Variants in PCDHGA12 observed in about 807,000 individuals in gnomAD.
The protein encoded by PCDHGA12 is protocadherin gamma-A12.
PCDHGA12 carries 43 observed loss-of-function variants against 61.1 expected under a neutral mutation model. That is an observed-to-expected ratio of 0.70 (90% CI 0.55 to 0.91). The LOEUF is 0.91. PCDHGA12 is among the 40% of genes least tolerant of loss of function. The pLI is 0.00. For synonymous variants in PCDHGA12, 520 were observed against 542.9 expected, an observed-to-expected ratio of 0.96 and a Z score of 0.59; for missense variants, 1,236 against 1,227.7, an observed-to-expected ratio of 1.01 and a Z score of -0.10.
rs1485715812 is a variant in PCDHGA12, at chr5:141,485,804, G to T, written c.2425-9003G>T. The T allele has an allele frequency of 6.2e-7, 1 of 1,614,218 alleles. No individual in the cohort carries two copies. The highest frequency in any genetic ancestry group is 1.7e-5 in the Admixed American group (1 of 60,026). ...AGAGAAGCAATCGGACTACCGCCTG[G>T]TGCTGACTGCTGTCGATGGAGGGAA... On this transcript the variant is annotated intron_variant, in intron 1 of 3. Coordinates refer to ENST00000252085, the MANE Select transcript of PCDHGA12 (RefSeq NM_003735.3). This position sits in a 1 kb window ranked among gnomAD's most constrained non-coding sequence, Gnocchi z 5.7.
rs894528472 is a variant in PCDHGA12 at position 141,489,718 on chromosome 5, C to A, written c.2425-5089C>A. 6.2e-7 allele frequency: 1 copy of A among 1,614,038 alleles called. No individual in the cohort carries two copies. Among genetic ancestry groups the A allele is most frequent in the African/African-American group, 1.3e-5 (1 of 74,934 alleles). ...ATTCCCACTGGACAGTGCCCAGGATCCGGATGTGGGCACCAATACTGTGAG... is the reference window on the plus strand; with the variant it reads ...ATTCCCACTGGACAGTGCCCAGGATACGGATGTGGGCACCAATACTGTGAG... On this transcript the variant is annotated intron_variant, in intron 1 of 3. Coordinates refer to ENST00000252085, the MANE Select transcript of PCDHGA12 (RefSeq NM_003735.3). This position sits in a 1 kb window ranked among gnomAD's most constrained non-coding sequence, Gnocchi z 4.5.
chr5:141,466,068 G>C (rs1278308918), intron 1 of PCDHGA12, among the ~76,000 whole-genome samples: 4 of 152,080 alleles, frequency 2.6e-5, no homozygotes, highest in Admixed American at 2.6e-4. Flanking sequence ...CTTGCAGTGA[G>C]CTGATATCAT....
At position 141,511,345 on chromosome 5, in the gene PCDHGA12, T is replaced by A; in HGVS notation, c.*172T>A. The A allele has an allele frequency of 7.8e-6, 11 of 1,410,508 alleles. No individual in the cohort carries two copies. The highest frequency in any genetic ancestry group is 1.0e-5 in the Non-Finnish European group (11 of 1,060,682). 87.4% of individuals were successfully genotyped at this position (1,410,508 alleles called of 1,614,324 possible). ...AAGTGCCCAGTCAGCACCTACCCCT[T>A]CCCCCCCAGGGGGTTGAATATGCAA... On this transcript the variant is annotated 3_prime_UTR_variant, in exon 4 of 4. Transcript: ENST00000252085.
At position 141,472,488 on chromosome 5, in the gene PCDHGA12, C is replaced by T. The variant is rs183545662; in HGVS notation, c.2425-22319C>T. 4.0e-3 allele frequency among the ~76,000 whole-genome samples: 607 copies of T among 151,768 alleles called. 6 individuals carry two copies. The highest frequency in any genetic ancestry group is 0.011 in the Admixed American group (174 of 15,254). On this transcript the variant is annotated intron_variant, in intron 1 of 3. Coordinates refer to ENST00000252085, the MANE Select transcript of PCDHGA12 (RefSeq NM_003735.3). Reference sequence around the variant, plus strand: ...CCAGAAGGCAGAGCTTGCAGTGAGACGAGATCGTGCCACTGCACTCCAGCC... The same window carrying T: ...CCAGAAGGCAGAGCTTGCAGTGAGATGAGATCGTGCCACTGCACTCCAGCC...
chr5:141,431,227 C>G lies in PCDHGA12; in HGVS notation c.468C>G (p.His156Gln). ...CTGAGATGCGGTTCCCTCTACCCCA[C>G]GCCTGGGATCCGGATATCGGGAAGA... Reference protein sequence around the residue: ...AATEMRFPLPHAWDPDIGKNS... With the variant: ...AATEMRFPLPQAWDPDIGKNS... Residue 156 changes from histidine to glutamine, a missense_variant, in exon 1 of 4, where the codon CAC (histidine) becomes CAG (glutamine). By Grantham distance (24) the His-to-Gln change is conservative. Coordinates refer to ENST00000252085, the MANE Select transcript of PCDHGA12 (RefSeq NM_003735.3). This position sits in a 1 kb window ranked among gnomAD's most constrained non-coding sequence, Gnocchi z 4.8. 6.2e-7 allele frequency: 1 copy of G among 1,614,180 alleles called. No individual in the cohort carries two copies. Among genetic ancestry groups the G allele is most frequent in the Non-Finnish European group, 8.5e-7 (1 of 1,180,042 alleles).
chr5:141,491,080 A>T lies in PCDHGA12; in HGVS notation c.2425-3727A>T. On this transcript the variant is annotated intron_variant, in intron 1 of 3. Transcript: ENST00000252085. This position sits in a 1 kb window ranked among gnomAD's most constrained non-coding sequence, Gnocchi z 6.9. ...CTCCTACTCACTGTTGCCACAGTCC[A>T]CAGCCCCAGGACTGTTCCTCGTGTC... The T allele has an allele frequency of 6.2e-7, 1 of 1,614,116 alleles. No individual in the cohort carries two copies. Among genetic ancestry groups the T allele is most frequent in the Non-Finnish European group, 8.5e-7 (1 of 1,179,994 alleles).
Position 141,489,092 on chromosome 5 carries a change from A to AATT in PCDHGA12, c.2425-5714_2425-5713insTTA. 2.9e-6 allele frequency: 1 copy of AATT among 348,332 alleles called. No individual in the cohort carries two copies. Among genetic ancestry groups the AATT allele is most frequent in the Non-Finnish European group, 4.7e-6 (1 of 214,538 alleles). 21.6% of individuals were successfully genotyped at this position (348,332 alleles called of 1,614,324 possible). A position where few individuals can be genotyped will look rare whatever the true frequency, so the allele number is the denominator to read the frequency against. On this transcript the variant is annotated intron_variant, in intron 1 of 3. Transcript: ENST00000252085. This position sits in a 1 kb window ranked among gnomAD's most constrained non-coding sequence, Gnocchi z 4.5. Reference sequence around the variant, plus strand: ...TGCCCACCCCCGCCACTCGGTGACTAAGAACTGCTGCAAGCAGGCAAACCT... The same window carrying AATT: ...TGCCCACCCCCGCCACTCGGTGACTAATTAGAACTGCTGCAAGCAGGCAAACCT...
chr5:141,473,905 G>T (rs940750776), intron 1 of PCDHGA12, among the ~76,000 whole-genome samples: 2 of 152,096 alleles, frequency 1.3e-5, no homozygotes, highest in African/African-American at 4.8e-5. Context: ...TCATGAAGAG[G>T]TCTTAAGAAA....
At chr5:141,500,615 A>G (rs1341597957) in intron 2 of PCDHGA12, among the ~76,000 whole-genome samples, 1 of 152,232 alleles carries the variant, frequency 6.6e-6, no homozygotes, top group East Asian at 1.9e-4. Flanking sequence ...ATTCCCAGTC[A>G]TACGGTACAT....
At chr5:141,481,077 G>A (rs1251064585) in intron 1 of PCDHGA12, among the ~76,000 whole-genome samples, 5 of 151,906 alleles carry the variant, frequency 3.3e-5, no homozygotes, top group Non-Finnish European at 7.4e-5. Context: ...AAGAAAGAAA[G>A]AAAAAAGAAA....
At chr5:141,434,427 G>A (rs2097693282) in intron 1 of PCDHGA12, among the ~76,000 whole-genome samples, 1 of 152,216 alleles carries the variant, frequency 6.6e-6, no homozygotes, top group African/African-American at 2.4e-5. Context: ...GTTCATGATG[G>A]CCGTAATGCC....
chr5:141,430,786 C>G lies in PCDHGA12; in HGVS notation c.27C>G (p.Asp9Glu), dbSNP rs992448490. ...TGATTCCTGCGCGACTGCACCGGGA[C>G]TACAAAGGGCTTGTCCTGCTGGGAA... MIPARLHR[D>E]YKGLVLLGIL... is the part of the protein sequence containing the mutation. Residue 9 changes from aspartate to glutamate, a missense_variant, in exon 1 of 4, where the codon GAC (aspartate) becomes GAG (glutamate). Physicochemically the swap from Asp to Glu is conservative, Grantham distance 45 (BLOSUM62 2). Transcript: ENST00000252085. The G allele has an allele frequency of 6.6e-7, 1 of 1,513,352 alleles. No individual in the cohort carries two copies. The highest frequency in any genetic ancestry group is 8.8e-7 in the Non-Finnish European group (1 of 1,132,306). 93.7% of individuals were successfully genotyped at this position (1,513,352 alleles called of 1,614,324 possible).
intron 2 of PCDHGA12, among the ~76,000 whole-genome samples, chr5:141,502,866 C>CTCTTTTTT (rs1554188502): frequency 2.3e-5 from 3 of 128,046 alleles, no homozygotes; most frequent in Non-Finnish European, 3.2e-5. Flanking sequence ...GACTCTCTGT[C>CTCTTTTTT]TTTTTTTTTT....
chr5:141,467,715 G>C (rs904101145), intron 1 of PCDHGA12, among the ~76,000 whole-genome samples: 1 of 152,022 alleles, frequency 6.6e-6, no homozygotes, highest in Non-Finnish European at 1.5e-5. Flanking sequence ...AGGCTGGAGT[G>C]TAGTGGCACA....
At chr5:141,447,433 C>T (rs756021616) in intron 1 of PCDHGA12, among the ~76,000 whole-genome samples, 5 of 152,118 alleles carry the variant, frequency 3.3e-5, no homozygotes, top group African/African-American at 7.2e-5. Context: ...CCACCGCACC[C>T]GGAGGAAATT....
intron 2 of PCDHGA12, among the ~76,000 whole-genome samples, chr5:141,495,279 G>C (rs72790069): frequency 0.027 from 4,092 of 152,256 alleles, 88 homozygotes; most frequent in Middle Eastern, 0.048. Flanking sequence ...CGGAGGAGGC[G>C]GTCCGCACTC....
intron 1 of PCDHGA12, among the ~76,000 whole-genome samples, chr5:141,438,019 G>A (rs1031334687): frequency 1.3e-5 from 2 of 152,104 alleles, no homozygotes; most frequent in Non-Finnish European, 2.9e-5. Context: ...GAGATTACAG[G>A]TGTGAGCCAC....
intron 1 of PCDHGA12, chr5:141,478,813 A>G (rs2099478658): frequency 4.8e-6 from 7 of 1,453,346 alleles, no homozygotes; most frequent in Non-Finnish European, 6.3e-6. Context: ...TGCTATCACA[A>G]CTAACCAATC....
In PCDHGA12 at chr5:141,430,950, T is replaced by A. The variant is rs756423770; in HGVS notation, c.191T>A (p.Val64Asp). 7 of 1,609,862 alleles carry A rather than the reference T, an allele frequency of 4.3e-6. No individual in the cohort carries two copies. Among genetic ancestry groups the A allele is most frequent in the Non-Finnish European group, 5.1e-6 (6 of 1,178,368 alleles). Residue 64 changes from valine (V) to aspartate (D), a missense_variant, in exon 1 of 4, where the codon GTC becomes GAC. Transcript: ENST00000252085. ...CCCCGGGAGCTCGCGGAGCGCGGAG[T>A]CCGCATCATCCCCAGAGGTAGGACG... is the stretch of plus-strand genomic sequence containing the variant. ...LEPRELAERGVRIIPRGRTQL... is the reference protein window; with the variant it reads ...LEPRELAERGDRIIPRGRTQL...
Sources: gnomAD v4.1 joint callset for allele counts (sites outside exome capture counted in the v4.1 genomes callset) on GRCh38, gnomAD v4.1.1 for gene constraint, Gnocchi (gnomAD v3.1) non-coding constraint, MANE v1.5 for transcripts, NCBI Gene and HGNC (gene_info 2026-07-23, HGNC 2026-07-21) for gene names.